The following BIN2 variants were observed in gnomAD, a reference collection of about 807,000 sequenced individuals.
BIN2 encodes the protein breast cancer associated protein BRAP1.
A neutral mutation model predicts 67.9 loss-of-function variants in BIN2; 43 were observed. The ratio of observed to expected loss-of-function variants is 0.63; its 90% CI spans 0.50 to 0.82. BIN2 has a LOEUF of 0.82. Ranked by LOEUF, BIN2 falls within the 40% of genes least tolerant of loss-of-function variation. BIN2 has a pLI of 0.00. For synonymous variants in BIN2, 244 were observed against 246.8 expected (o/e 0.99, Z 0.11); for missense variants, 581 against 671.6 (o/e 0.87, Z 1.49).
intron 2 of BIN2, among the ~76,000 whole-genome samples, chr12:51,311,140 A>G (rs945189220): frequency 6.9e-6 from 1 of 144,288 alleles, no homozygotes; most frequent in Non-Finnish European, 1.5e-5. Flanking sequence ...TCTGTTGCTT[A>G]GGCTGGAGTG....
intron 9 of BIN2, among the ~76,000 whole-genome samples, 187 bp downstream of exon 9, chr12:51,295,582 ATATATATATATATATATATATATATAT>A (rs1945538563): frequency 1.3e-4 from 2 of 15,778 alleles, no homozygotes; most frequent in South Asian, 3.5e-3. Context: ...AAAAAAATAT[ATATATATATATATATATATATATATAT>A]ATATATATAT....
At chr12:51,318,554 C>T (rs1946190091) in intron 1 of BIN2, among the ~76,000 whole-genome samples, 1 of 152,182 alleles carries the variant, frequency 6.6e-6, no homozygotes, top group African/African-American at 2.4e-5. Context: ...GCCACTGGGC[C>T]ACCAGTATCT....
intron 2 of BIN2, among the ~76,000 whole-genome samples, chr12:51,305,610 T>C (rs1196956530): frequency 7.2e-6 from 1 of 139,372 alleles, no homozygotes; most frequent in Non-Finnish European, 1.5e-5. Context: ...GGCAACAGAA[T>C]GAAACTCCAT....
chr12:51,286,202 G>C (rs529934957), intron 11 of BIN2, among the ~76,000 whole-genome samples: 2 of 151,880 alleles, frequency 1.3e-5, no homozygotes, highest in East Asian at 3.9e-4. Context: ...CCATAATTCT[G>C]CCTGAGAGAA....
At chr12:51,296,511 C>G (rs943996717) in intron 8 of BIN2, among the ~76,000 whole-genome samples, 1 of 150,930 alleles carries the variant, frequency 6.6e-6, no homozygotes, top group African/African-American at 2.4e-5. Context: ...AAAAAAAAAC[C>G]AAAAAACCTC....
At chr12:51,321,299 T>C (rs996081862) in intron 1 of BIN2, among the ~76,000 whole-genome samples, 1 of 152,170 alleles carries the variant, frequency 6.6e-6, no homozygotes, top group Non-Finnish European at 1.5e-5. Flanking sequence ...TGTTTCCTTA[T>C]TTCTAAAACA....
At position 51,324,128 on chromosome 12, in the gene BIN2, C is replaced by A. The variant is rs1946370034; in HGVS notation, c.-26G>T. On this transcript the variant is annotated 5_prime_UTR_variant, in exon 1 of 13. Transcript: ENST00000615107. ...CCTGCCAACTCCCTGGGGGCCGCCG[C>A]CCTGGCCCCGCGCCCTGTGGTTTTC... The A allele has an allele frequency of 6.2e-7, 1 of 1,610,806 alleles. No individual in the cohort carries two copies.
At chr12:51,283,539 G>A (rs1180469014) in intron 12 of BIN2, among the ~76,000 whole-genome samples, 1 of 151,792 alleles carries the variant, frequency 6.6e-6, no homozygotes, top group Non-Finnish European at 1.5e-5. Context: ...ATTTGAACTC[G>A]TGGGCTCAAG....
chr12:51,324,363 C>T, upstream of BIN2: 19 of 1,303,796 alleles, frequency 1.5e-5, no homozygotes, highest in Non-Finnish European at 1.7e-5. Flanking sequence ...AACCCCTGCC[C>T]GAAACCTCGG....
chr12:51,292,097 G>A lies in BIN2; in HGVS notation c.1009C>T (p.Leu337=), dbSNP rs147701707. 5.8e-4 allele frequency: 930 copies of A among 1,614,166 alleles called. 13 individuals are homozygous for A. The East Asian group carries it at 0.015, about 26-fold the overall frequency. The change falls in exon 10 of 13, where the codon CTA becomes TTA. Residue 337 remains leucine (L), a synonymous_variant. Transcript: ENST00000615107. ...EASSSEEDEP[L]PACNGPAQAQ... ...TGGGCGGGGCCATTGCAGGCTGGTA[G>A]AGGCTCATCTTCCTCAGAGGAGCTT...
chr12:51,290,933 A>AAAAACAAAAC (rs10623986), intron 10 of BIN2, among the ~76,000 whole-genome samples: 33 of 148,800 alleles, frequency 2.2e-4, no homozygotes, highest in Non-Finnish European at 2.7e-4. Flanking sequence ...ACTCCGTCTC[A>AAAAACAAAAC]AAAACAAAAC....
In BIN2 at chr12:51,290,013, C is replaced by G. The variant is rs549800675; in HGVS notation, c.1515+1578G>C. Among the ~76,000 whole-genome samples the G allele has an allele frequency of 3.4e-4, 51 of 152,156 alleles. 2 individuals carry two copies. The South Asian group carries it at 0.01, about 30-fold the overall frequency. On this transcript the variant is annotated intron_variant, in intron 10 of 12. Transcript: ENST00000615107. ...GAAGTGAGACCCACCCTCCTGCCCC[C>G]ACTAAAGAAGGTAAAGCTCAGGATT... is the stretch of plus-strand genomic sequence containing the variant.
intron 1 of BIN2, 132 bp downstream of exon 1, chr12:51,323,890 C>T (rs950990764): frequency 3.7e-6 from 4 of 1,089,852 alleles, no homozygotes; most frequent in Admixed American, 3.2e-5. Flanking sequence ...CCTGGGAGAG[C>T]GGGAGACCCT....
In BIN2 at chr12:51,295,620, A is replaced by G. The variant is rs539547523; in HGVS notation, c.761+176T>C. Among the ~76,000 whole-genome samples the G allele has an allele frequency of 1.3e-3, 119 of 88,796 alleles. 8 individuals carry two copies. The highest frequency in any genetic ancestry group is 4.2e-3 in the African/African-American group (111 of 26,558). 58.3% of individuals were successfully genotyped at this position (88,796 alleles called of 152,430 possible). ...TATATATATATATATATATATATAT[A>G]TATATATATATTTAGTAAAAAGCAA... On this transcript the variant is annotated intron_variant, in intron 9 of 12. Coordinates refer to ENST00000615107, the MANE Select transcript of BIN2 (RefSeq NM_016293.4).
At chr12:51,297,247 G>T in intron 7 of BIN2, 83 bp from the exon 8 acceptor site, 3 of 1,318,830 alleles carry the variant, frequency 2.3e-6, no homozygotes, top group African/African-American at 1.4e-5. Flanking sequence ...TAGGACTTAA[G>T]CCAAAACCAG....
At position 51,299,306 on chromosome 12, in the gene BIN2, C is replaced by A; in HGVS notation, c.517-18G>T. 6.2e-7 allele frequency: 1 copy of A among 1,603,590 alleles called. No homozygotes were observed. The highest frequency in any genetic ancestry group is 8.5e-7 in the Non-Finnish European group (1 of 1,170,550). Reference sequence around the variant, plus strand: ...TCCTCTGCCTAGGTGGTAAAAGAGACAAGACAATCTCCCTCAATTCTGAAC... The same window carrying A: ...TCCTCTGCCTAGGTGGTAAAAGAGAAAAGACAATCTCCCTCAATTCTGAAC... On this transcript the variant is annotated intron_variant, in intron 6 of 12. Coordinates refer to ENST00000615107, the MANE Select transcript of BIN2 (RefSeq NM_016293.4).
intron 2 of BIN2, among the ~76,000 whole-genome samples, chr12:51,307,891 A>G (rs1047643069): frequency 6.6e-6 from 1 of 152,118 alleles, no homozygotes; most frequent in African/African-American, 2.4e-5. Flanking sequence ...TCTGCTTTCC[A>G]CTGCAGCTCA....
chr12:51,299,006 G>A (rs1358149473), intron 7 of BIN2, among the ~76,000 whole-genome samples, 197 bp downstream of exon 7: 1 of 151,722 alleles, frequency 6.6e-6, no homozygotes, highest in Non-Finnish European at 1.5e-5. Context: ...TAGGGAGGTG[G>A]AGGTTGCAGT....
intron 1 of BIN2, among the ~76,000 whole-genome samples, chr12:51,317,023 T>C (rs941068605): frequency 6.6e-6 from 1 of 151,986 alleles, no homozygotes; most frequent in African/African-American, 2.4e-5. Context: ...ATTACAGGCA[T>C]GTGCCACCAC....
Sources: allele counts gnomAD v4.1 joint callset (sites outside exome capture counted in the v4.1 genomes callset), GRCh38; gene constraint gnomAD v4.1.1; transcripts MANE v1.5; gene names NCBI Gene and HGNC (gene_info 2026-07-23, HGNC 2026-07-21).